GHR: variants seen among roughly 807,000 people sequenced by gnomAD.
GHR encodes the protein GH receptor.
A neutral mutation model predicts 67.1 loss-of-function variants in GHR; 35 were observed. The observed-to-expected ratio is 0.52, with a 90% CI of 0.40 to 0.69. The LOEUF is 0.69. Among genes scored for constraint, GHR ranks in the 30% least tolerant of loss-of-function variants. The pLI is 0.00. For synonymous variants in GHR, 272 were observed against 269.1 expected, an observed-to-expected ratio of 1.01 and a Z score of -0.10; for missense variants, 792 against 764.6, an observed-to-expected ratio of 1.04 and a Z score of -0.42.
chr5:42,468,844 C>T, intron 1 of GHR: 1 of 979,634 alleles, frequency 1.0e-6, no homozygotes, highest in Non-Finnish European at 1.5e-6. Flanking sequence ...GCAGCTGAAG[C>T]CTTCCTGTAA....
intron 4 of GHR, among the ~76,000 whole-genome samples, chr5:42,691,218 GA>G (rs1413842876): frequency 6.6e-6 from 1 of 152,214 alleles, no homozygotes; most frequent in Non-Finnish European, 1.5e-5. Flanking sequence ...AGATGTCTTA[GA>G]TTTTGCCCTG....
At chr5:42,481,621 G>A (rs112624800) in intron 1 of GHR, among the ~76,000 whole-genome samples, 6 of 151,200 alleles carry the variant, frequency 4.0e-5, no homozygotes, top group African/African-American at 7.3e-5. Context: ...TTCTCTTCTC[G>A]CTTCATTTCA....
rs548319001 is a variant in GHR at position 42,483,972 on chromosome 5, C to T, written c.-12+60017C>T. ...GAACCAGCCTACTGTTGTCTCTGTG[C>T]AGAGAGAGTACTAAGTAGGTACTGA... On this transcript the variant is annotated intron_variant, in intron 1 of 9. Transcript: ENST00000230882. 4.6e-5 allele frequency among the ~76,000 whole-genome samples: 7 copies of T among 152,094 alleles called. 1 individual carries two copies. In the South Asian group the frequency reaches 1.4e-3, roughly 32 times the overall value.
chr5:42,496,248 C>T lies in GHR; in HGVS notation c.-11-69616C>T, dbSNP rs1391243782. ...CATTCAAAGCAGAGAGAATTGGTTC[C>T]TCCTGATTGGGTGAACAATCACTGC... On this transcript the variant is annotated intron_variant, in intron 1 of 9. Transcript: ENST00000230882. Among the ~76,000 whole-genome samples, 7 of 152,262 alleles carry T rather than the reference C, an allele frequency of 4.6e-5. No individual in the cohort carries two copies. The South Asian group carries it at 1.5e-3, about 32-fold the overall frequency.
At position 42,719,107 on chromosome 5, in the gene GHR, T is replaced by C; in HGVS notation, c.1600T>C (p.Tyr534His). 6.2e-7 allele frequency: 1 copy of C among 1,614,098 alleles called. No homozygotes were observed. Among genetic ancestry groups the C allele is most frequent in the Non-Finnish European group, 8.5e-7 (1 of 1,179,942 alleles). The change falls in exon 10 of 10, where the codon TAC becomes CAC. Residue 534 changes from tyrosine to histidine, a missense_variant. Tyr to His is a moderately conservative substitution (Grantham distance 83). Coordinates refer to ENST00000230882, the MANE Select transcript of GHR (RefSeq NM_000163.5). Reference sequence around the variant, plus strand: ...AGAAAACTTCCTTATGGACAATGCCTACTTCTGTGAGGCAGATGCCAAAAA... The same window carrying C: ...AGAAAACTTCCTTATGGACAATGCCCACTTCTGTGAGGCAGATGCCAAAAA... ...CQENFLMDNAYFCEADAKKCI... is the reference protein window; with the variant it reads ...CQENFLMDNAHFCEADAKKCI...
intron 1 of GHR, among the ~76,000 whole-genome samples, chr5:42,530,742 A>T (rs1457967841): frequency 6.6e-6 from 1 of 152,152 alleles, no homozygotes; most frequent in Admixed American, 6.5e-5. Context: ...TCAGAGATAG[A>T]TTGTTGGCAC....
chr5:42,534,871 A>G (rs1415676385), intron 1 of GHR, among the ~76,000 whole-genome samples: 4 of 151,952 alleles, frequency 2.6e-5, no homozygotes, highest in African/African-American at 4.8e-5. Flanking sequence ...CAGGAGCAAC[A>G]TGGTATCACA....
intron 4 of GHR, among the ~76,000 whole-genome samples, chr5:42,694,126 G>A (rs1244844078): frequency 1.3e-5 from 2 of 152,140 alleles, no homozygotes; most frequent in Non-Finnish European, 2.9e-5. Flanking sequence ...AAGAGCCAGA[G>A]CAATCATTCC....
At chr5:42,474,313 G>GAAAGAAAGAAAGAAAGA (rs1554054611) in intron 1 of GHR, among the ~76,000 whole-genome samples, 1 of 138,356 alleles carries the variant, frequency 7.2e-6, no homozygotes, top group Non-Finnish European at 1.6e-5. Context: ...AAGAAAGAAA[G>GAAAGAAAGAAAGAAAGA]AAAGAAAGAA....
At chr5:42,506,218 G>A (rs1561082945) in intron 1 of GHR, among the ~76,000 whole-genome samples, 1 of 152,176 alleles carries the variant, frequency 6.6e-6, no homozygotes, top group African/African-American at 2.4e-5. Flanking sequence ...AATGTATTAT[G>A]TAGTATTATG....
At chr5:42,602,292 C>G (rs1411309747) in intron 2 of GHR, among the ~76,000 whole-genome samples, 1 of 152,110 alleles carries the variant, frequency 6.6e-6, no homozygotes, top group African/African-American at 2.4e-5. Context: ...ATAACTGCTA[C>G]TTTGTACCAT....
intron 3 of GHR, among the ~76,000 whole-genome samples, chr5:42,658,861 A>G (rs1755404174): frequency 6.6e-6 from 1 of 152,204 alleles, no homozygotes; most frequent in Admixed American, 6.5e-5. Flanking sequence ...TAGGGAGTCC[A>G]TTACTTCTGA....
Position 42,699,805 on chromosome 5 carries a change from G to C in GHR, c.440-19G>C. On this transcript the variant is annotated intron_variant, in intron 5 of 9. Transcript: ENST00000230882. ...AAATTGTGTCTGTCTGTGTACTAAT[G>C]CTCTGTTGAATTGCACAGTGCAACC... The C allele has an allele frequency of 1.3e-6, 2 of 1,554,190 alleles. No individual in the cohort carries two copies. The highest frequency in any genetic ancestry group is 1.8e-6 in the Non-Finnish European group (2 of 1,125,442).
intron 8 of GHR, among the ~76,000 whole-genome samples, chr5:42,717,294 G>T (rs1432880403): frequency 3.3e-5 from 5 of 152,008 alleles, no homozygotes; most frequent in Non-Finnish European, 5.9e-5. Context: ...GTAAGACCCT[G>T]TCTCAAAAAG....
Position 42,423,497 on chromosome 5 carries a change from C to T in GHR, c.-470C>T, listed in dbSNP as rs988853872. Among the ~76,000 whole-genome samples, 1 of 152,230 alleles carries T rather than the reference C, an allele frequency of 6.6e-6. No individual in the cohort carries two copies. Among genetic ancestry groups the T allele is most frequent in the Non-Finnish European group, 1.5e-5 (1 of 68,048 alleles). ...CGCCGGGAAGACTTCATCCCAGCAA[C>T]TCGGAATGCTTGGCCCGGGCGGCAC... On this transcript the variant is annotated 5_prime_UTR_variant, in exon 1 of 10. Coordinates refer to ENST00000230882, the MANE Select transcript of GHR (RefSeq NM_000163.5).
chr5:42,636,617 G>C (rs142528809), intron 3 of GHR, among the ~76,000 whole-genome samples: 1 of 152,294 alleles, frequency 6.6e-6, no homozygotes, highest in Non-Finnish European at 1.5e-5. Context: ...GTCCAGAAAA[G>C]CCCTTTGTTC....
intron 2 of GHR, among the ~76,000 whole-genome samples, chr5:42,625,884 T>C (rs889584249): frequency 1.1e-4 from 17 of 152,048 alleles, no homozygotes; most frequent in Non-Finnish European, 2.2e-4. Flanking sequence ...TAAGAGACTT[T>C]GTAGGGCAAT....
chr5:42,494,557 T>C (rs1435299547), intron 1 of GHR, among the ~76,000 whole-genome samples: 2 of 152,098 alleles, frequency 1.3e-5, no homozygotes, highest in South Asian at 2.1e-4. Context: ...AAGTATGGTA[T>C]AATCCTAAGC....
intron 3 of GHR, among the ~76,000 whole-genome samples, chr5:42,680,435 G>A (rs1756802225): frequency 6.6e-6 from 1 of 151,230 alleles, no homozygotes; most frequent in African/African-American, 2.4e-5. Context: ...GATCCAATGT[G>A]CTTTTCTTTT....
Sources: gnomAD v4.1 joint callset for allele counts (sites outside exome capture counted in the v4.1 genomes callset) on GRCh38, gnomAD v4.1.1 for gene constraint, MANE v1.5 for transcripts, NCBI Gene and HGNC (gene_info 2026-07-23, HGNC 2026-07-21) for gene names.